Variants in CARMIL1 observed in about 807,000 individuals in gnomAD.
The protein encoded by CARMIL1 is capping protein regulator and myosin 1 linker 1, also known as F-actin-uncapping protein LRRC16A.
A neutral mutation model predicts 177.1 loss-of-function variants in CARMIL1; 90 were observed. That is an observed-to-expected ratio of 0.51 (90% CI 0.43 to 0.61). CARMIL1 has a LOEUF of 0.61. Ranked by LOEUF, CARMIL1 falls within the 20% of genes least tolerant of loss-of-function variation. The pLI is 0.00. For missense variants in CARMIL1, 1,380 were observed against 1,667.0 expected (o/e 0.83, Z 3.00); for synonymous variants, 577 against 606.2 (o/e 0.95, Z 0.71).
chr6:25,441,347 G>GTA (rs1562140378), intron 5 of CARMIL1, among the ~76,000 whole-genome samples: 1 of 115,670 alleles, frequency 8.6e-6, no homozygotes, highest in African/African-American at 3.2e-5. Context: ...ATGTGTGTGT[G>GTA]TGTGTGTGTG....
intron 35 of CARMIL1, 134 bp from the exon 36 acceptor site, chr6:25,609,916 A>G: frequency 9.7e-7 from 1 of 1,029,820 alleles, no homozygotes; most frequent in Non-Finnish European, 1.4e-6. Context: ...ACACAAAACT[A>G]ATTTTTGGCC....
Position 25,410,662 on chromosome 6 carries a change from T to C in CARMIL1, c.139-9452T>C, listed in dbSNP as rs921532944. Among the ~76,000 whole-genome samples, 21 of 152,300 alleles carry C rather than the reference T, an allele frequency of 1.4e-4. No homozygotes were observed. In the East Asian group the frequency reaches 1.7e-3, roughly 13 times the overall value. ...AGAGGGAACATGCTAGGGTGGAAGA[T>C]TGGAGTCAATTTGTTCCACGAGGGC... is the stretch of plus-strand genomic sequence containing the variant. On this transcript the variant is annotated intron_variant, in intron 2 of 36. Coordinates refer to ENST00000329474, the MANE Select transcript of CARMIL1 (RefSeq NM_017640.6).
At chr6:25,321,614 TTTCA>T (rs1247619148) in intron 2 of CARMIL1, among the ~76,000 whole-genome samples, 3 of 152,210 alleles carry the variant, frequency 2.0e-5, no homozygotes, top group Non-Finnish European at 2.9e-5. Context: ...GTTTTAAACC[TTTCA>T]TTCTTTTAAT....
Position 25,528,811 on chromosome 6 carries a change from T to C in CARMIL1, c.1985T>C (p.Leu662Pro). ...TATTTCCAGATAGAAAACTACCTGC[T>C]ACGAAATCACGAGACTAGAAAATAC... ...DALQKIENYLLRNHETRKYLQ... is the reference protein window; with the variant it reads ...DALQKIENYLPRNHETRKYLQ... Residue 662 changes from leucine (L) to proline (P), a missense_variant, in exon 24 of 37, where the codon CTA (leucine) becomes CCA (proline). Coordinates refer to ENST00000329474, the MANE Select transcript of CARMIL1 (RefSeq NM_017640.6). 1 of 1,605,856 alleles carries C rather than the reference T, an allele frequency of 6.2e-7. No individual in the cohort carries two copies. The highest frequency in any genetic ancestry group is 8.5e-7 in the Non-Finnish European group (1 of 1,175,910).
intron 12 of CARMIL1, among the ~76,000 whole-genome samples, chr6:25,484,202 C>G (rs762724105): frequency 6.6e-6 from 1 of 152,218 alleles, no homozygotes; most frequent in Non-Finnish European, 1.5e-5. Context: ...TTGATTGTGT[C>G]TTAGCCTGTA....
chr6:25,451,825 G>T (rs1798952749), intron 8 of CARMIL1, among the ~76,000 whole-genome samples: 1 of 151,998 alleles, frequency 6.6e-6, no homozygotes, highest in East Asian at 1.9e-4. Flanking sequence ...GTAGGCAGGG[G>T]TCAGCCCTAC....
At chr6:25,342,810 T>C (rs1380960683) in intron 2 of CARMIL1, among the ~76,000 whole-genome samples, 12 of 152,202 alleles carry the variant, frequency 7.9e-5, no homozygotes, top group African/African-American at 2.9e-4. Flanking sequence ...TAGAAATCCT[T>C]TCCAGCTCTA....
chr6:25,569,209 A>G (rs1463771858), intron 29 of CARMIL1, among the ~76,000 whole-genome samples: 2 of 152,242 alleles, frequency 1.3e-5, no homozygotes, highest in Non-Finnish European at 2.9e-5. Flanking sequence ...TGATATCTTG[A>G]GAATTCACTC....
chr6:25,316,352 C>T (rs779177920), intron 2 of CARMIL1, among the ~76,000 whole-genome samples: 2 of 151,720 alleles, frequency 1.3e-5, no homozygotes, highest in African/African-American at 2.4e-5. Flanking sequence ...AGCTGTTTCT[C>T]GGGGACTGTC....
chr6:25,303,301 G>A (rs1783014188), intron 2 of CARMIL1, among the ~76,000 whole-genome samples: 1 of 152,072 alleles, frequency 6.6e-6, no homozygotes, highest in Non-Finnish European at 1.5e-5. Context: ...CTACAGTTGG[G>A]TAAAAAACTA....
At position 25,482,258 on chromosome 6, in the gene CARMIL1, T is replaced by C; in HGVS notation, c.876T>C (p.Gly292=). The change falls in exon 12 of 37, where the codon GGT becomes GGC. Residue 292 remains glycine, a splice_region_variant and synonymous_variant. Coordinates refer to ENST00000329474, the MANE Select transcript of CARMIL1 (RefSeq NM_017640.6). ...AATCGCTTCTTTTTCCTTTCTCAGG[T>C]GTGTCCTCTTTAAGTATTCAATTTG... ...NLAGNPLEDR[G]VSSLSIQFAK... 1.3e-6 allele frequency: 2 copies of C among 1,536,562 alleles called. No homozygotes were observed. Among genetic ancestry groups the C allele is most frequent in the Non-Finnish European group, 1.8e-6 (2 of 1,123,116 alleles).
At position 25,495,178 on chromosome 6, in the gene CARMIL1, A is replaced by C; in HGVS notation, c.1288A>C (p.Asn430His). The C allele has an allele frequency of 6.2e-7, 1 of 1,613,422 alleles. No individual in the cohort carries two copies. Among genetic ancestry groups the C allele is most frequent in the African/African-American group, 1.3e-5 (1 of 75,008 alleles). Residue 430 changes from asparagine to histidine, a missense_variant, in exon 16 of 37, where the codon AAC (asparagine) becomes CAC (histidine). Transcript: ENST00000329474. ...TAGTTCTCTGGCTTTGATGCACATCAACCTTTCAGGCACAAAACTGTCTCC... is the reference window on the plus strand; with the variant it reads ...TAGTTCTCTGGCTTTGATGCACATCCACCTTTCAGGCACAAAACTGTCTCC... The part of the protein sequence containing the change: ...FSSSLALMHI[N>H]LSGTKLSPEP...
chr6:25,306,210 T>C (rs1367904155), intron 2 of CARMIL1, among the ~76,000 whole-genome samples: 1 of 152,108 alleles, frequency 6.6e-6, no homozygotes, highest in Non-Finnish European at 1.5e-5. Context: ...GTGTCTGGCT[T>C]GTGTCATTTA....
At chr6:25,612,298 A>T (rs950561592) in intron 36 of CARMIL1, 3 of 152,200 alleles carry the variant, frequency 2.0e-5, no homozygotes. Flanking sequence ...AACTGTCCAT[A>T]TTGTGCTCAT....
chr6:25,462,231 A>G (rs937543618), intron 8 of CARMIL1, among the ~76,000 whole-genome samples: 1 of 151,816 alleles, frequency 6.6e-6, no homozygotes, highest in Non-Finnish European at 1.5e-5. Context: ...AGATCTAAAA[A>G]CTCTTAGACT....
chr6:25,389,820 AG>A (rs1792563610), intron 2 of CARMIL1, among the ~76,000 whole-genome samples: 1 of 152,216 alleles, frequency 6.6e-6, no homozygotes, highest in Non-Finnish European at 1.5e-5. Context: ...AGCAGAATAC[AG>A]TTTAGGAATG....
intron 31 of CARMIL1, among the ~76,000 whole-genome samples, chr6:25,587,665 G>A (rs527481814): frequency 1.3e-5 from 2 of 152,050 alleles, no homozygotes; most frequent in South Asian, 4.2e-4. Flanking sequence ...CCTGGAAACC[G>A]ATTTAATACC....
At chr6:25,544,647 C>T (rs1016885217) in intron 26 of CARMIL1, among the ~76,000 whole-genome samples, 4 of 138,288 alleles carry the variant, frequency 2.9e-5, no homozygotes, top group African/African-American at 1.1e-4. Context: ...ACACACACAC[C>T]CCAAACACTA....
chr6:25,424,178 T>G (rs1232080920), intron 3 of CARMIL1, among the ~76,000 whole-genome samples: 3 of 152,220 alleles, frequency 2.0e-5, no homozygotes, highest in Non-Finnish European at 2.9e-5. Context: ...CTGCTCCTTT[T>G]AGTTTCTTCC....
Sources: gnomAD v4.1 joint callset for allele counts (sites outside exome capture counted in the v4.1 genomes callset) on GRCh38, gnomAD v4.1.1 for gene constraint, MANE v1.5 for transcripts, NCBI Gene and HGNC (gene_info 2026-07-23, HGNC 2026-07-21) for gene names.